TEC: variants seen among roughly 807,000 people sequenced by gnomAD.
TEC encodes the protein tec protein tyrosine kinase.
TEC carries 72 observed loss-of-function variants against 93.0 expected under a neutral mutation model. That is an observed-to-expected ratio of 0.77 (90% CI 0.64 to 0.94). The LOEUF (loss-of-function observed/expected upper bound fraction) is 0.94. TEC is among the 40% of genes least tolerant of loss of function. The pLI is 0.00. For synonymous variants in TEC, 249 were observed against 247.7 expected (o/e 1.01, Z -0.05); for missense variants, 630 against 757.9 (o/e 0.83, Z 1.98).
intron 14 of TEC, among the ~76,000 whole-genome samples, chr4:48,144,456 C>T (rs534696462): frequency 5.9e-5 from 9 of 151,980 alleles, no homozygotes; most frequent in East Asian, 5.8e-4. Context: ...CTGTAAAGAA[C>T]AGGTAGAGAA....
chr4:48,253,288 C>T (rs1251734574), intron 1 of TEC, among the ~76,000 whole-genome samples: 1 of 152,130 alleles, frequency 6.6e-6, no homozygotes, highest in African/African-American at 2.4e-5. Context: ...TGTCTCATTC[C>T]TCTGCCCTTC....
chr4:48,238,088 T>G (rs1031486986), intron 1 of TEC, among the ~76,000 whole-genome samples: 1 of 152,158 alleles, frequency 6.6e-6, no homozygotes, highest in Non-Finnish European at 1.5e-5. Flanking sequence ...GGGGATTAAA[T>G]AGCAGAAATA....
At chr4:48,234,080 T>C (rs1190716950) in intron 1 of TEC, among the ~76,000 whole-genome samples, 2 of 152,186 alleles carry the variant, frequency 1.3e-5, no homozygotes, top group Admixed American at 1.3e-4. Flanking sequence ...GTAAGTTTCA[T>C]TGAAAGCATC....
chr4:48,230,162 T>C (rs1174894766), intron 1 of TEC, among the ~76,000 whole-genome samples: 1 of 152,088 alleles, frequency 6.6e-6, no homozygotes, highest in Non-Finnish European at 1.5e-5. Flanking sequence ...CAGCATGAAG[T>C]GGCTCTCAGA....
At chr4:48,198,696 G>A (rs1371064870) in intron 2 of TEC, among the ~76,000 whole-genome samples, 2 of 151,956 alleles carry the variant, frequency 1.3e-5, no homozygotes, top group Non-Finnish European at 2.9e-5. Flanking sequence ...CTCTCTTTTG[G>A]TGGTCTAATT....
chr4:48,138,319 C>T (rs901390642), intron 17 of TEC, among the ~76,000 whole-genome samples: 1 of 152,110 alleles, frequency 6.6e-6, no homozygotes, highest in Non-Finnish European at 1.5e-5. Context: ...AAGAAACCAA[C>T]TCTGGTAAAA....
chr4:48,172,062 C>T (rs555369021), intron 3 of TEC, among the ~76,000 whole-genome samples: 1 of 152,240 alleles, frequency 6.6e-6, no homozygotes, highest in African/African-American at 2.4e-5. Flanking sequence ...CTAACCTGCC[C>T]ATTGCCATTT....
chr4:48,208,689 G>A (rs1406464661), intron 2 of TEC, among the ~76,000 whole-genome samples: 2 of 152,042 alleles, frequency 1.3e-5, no homozygotes, highest in Admixed American at 6.5e-5. Context: ...TCTCTCATGC[G>A]GCTTTACTTT....
chr4:48,197,086 C>G (rs865911914), intron 2 of TEC, among the ~76,000 whole-genome samples: 1 of 152,162 alleles, frequency 6.6e-6, no homozygotes, highest in African/African-American at 2.4e-5. Context: ...CATATTTTGC[C>G]GGTTTGTCAG....
intron 17 of TEC, 35 bp from the exon 18 acceptor site, chr4:48,137,534 C>G (rs1262584247): frequency 6.3e-7 from 1 of 1,591,848 alleles, no homozygotes; most frequent in Admixed American, 1.7e-5. Flanking sequence ...CTGTGGGTTC[C>G]AGAATCCATT....
rs767848995 is a variant in TEC at position 48,150,950 on chromosome 4, C to G, written c.793-8G>C. ...AAAACCACCTTCTTTATCCTAAAATCCAAGTTCAGAAAAAATTTTTTTTAC... is the reference window on the plus strand; with the variant it reads ...AAAACCACCTTCTTTATCCTAAAATGCAAGTTCAGAAAAAATTTTTTTTAC... On this transcript the variant is annotated splice_region_variant and splice_polypyrimidine_tract_variant and intron_variant, in intron 9 of 17. Transcript: ENST00000381501. 14 of 1,568,674 alleles carry G rather than the reference C, an allele frequency of 8.9e-6. 1 individual carries two copies. Among genetic ancestry groups the G allele is most frequent in the Non-Finnish European group, 8.6e-6 (10 of 1,160,070 alleles).
chr4:48,149,435 A>T (rs1507919), intron 11 of TEC, 122 bp downstream of exon 11: 821,621 of 1,031,554 alleles, frequency 0.8, 328,141 homozygotes, highest in East Asian at 0.91. Context: ...GCAGTAATTT[A>T]AAATCAACCA....
chr4:48,206,873 T>C (rs1722736013), intron 2 of TEC, among the ~76,000 whole-genome samples: 1 of 151,410 alleles, frequency 6.6e-6, no homozygotes, highest in Non-Finnish European at 1.5e-5. Flanking sequence ...GCAGAAGGAT[T>C]GGTTGAACCC....
At chr4:48,152,623 C>G (rs946562133) in intron 9 of TEC, among the ~76,000 whole-genome samples, 4 of 152,028 alleles carry the variant, frequency 2.6e-5, no homozygotes, top group Non-Finnish European at 5.9e-5. Context: ...GAAATGAGAA[C>G]AGAAAGACTG....
intron 1 of TEC, among the ~76,000 whole-genome samples, chr4:48,244,614 C>G (rs1205713895): frequency 6.6e-6 from 1 of 152,192 alleles, no homozygotes; most frequent in Non-Finnish European, 1.5e-5. Flanking sequence ...TCTTTCCAGT[C>G]TTATGTTTAT....
intron 10 of TEC, among the ~76,000 whole-genome samples, chr4:48,150,615 TA>T (rs1180983229): frequency 1.3e-5 from 2 of 152,244 alleles, no homozygotes; most frequent in African/African-American, 4.8e-5. Flanking sequence ...CAGTTCACTA[TA>T]AATGTTTGTT....
At chr4:48,186,615 C>A (rs1461470071) in intron 2 of TEC, among the ~76,000 whole-genome samples, 1 of 146,414 alleles carries the variant, frequency 6.8e-6, no homozygotes, top group Non-Finnish European at 1.5e-5. Flanking sequence ...GCCCCTCTGC[C>A]CAGCAGCCGC....
chr4:48,237,557 G>A (rs1282154230), intron 1 of TEC, among the ~76,000 whole-genome samples: 1 of 152,148 alleles, frequency 6.6e-6, no homozygotes, highest in Non-Finnish European at 1.5e-5. Flanking sequence ...ACAGAGTGGG[G>A]AAAGGATGGA....
chr4:48,159,334 C>T (rs953020311), intron 8 of TEC, among the ~76,000 whole-genome samples: 7 of 152,102 alleles, frequency 4.6e-5, no homozygotes, highest in African/African-American at 1.2e-4. Flanking sequence ...AGGGAGCTGG[C>T]GTGCAGACAT....
Sources: allele counts gnomAD v4.1 joint callset (sites outside exome capture counted in the v4.1 genomes callset), GRCh38; gene constraint gnomAD v4.1.1; transcripts MANE v1.5; gene names NCBI Gene and HGNC (gene_info 2026-07-23, HGNC 2026-07-21).